CMAS: variants seen among roughly 807,000 people sequenced by gnomAD.
The protein encoded by CMAS is cytidine monophosphate N-acetylneuraminic acid synthetase, also known as N-acylneuraminate cytidylyltransferase.
A neutral mutation model predicts 53.4 loss-of-function variants in CMAS; 21 were observed. The observed-to-expected ratio is 0.39, with a 90% CI of 0.28 to 0.57. The LOEUF (loss-of-function observed/expected upper bound fraction) is 0.57. Among genes scored for constraint, CMAS ranks in the 20% least tolerant of loss-of-function variants. The probability of loss-of-function intolerance (pLI) is 0.56; values close to 1 mark genes in which losing one functional copy is unlikely to be tolerated. For missense variants in CMAS, 384 were observed against 534.9 expected (o/e 0.72, Z 2.78); for synonymous variants, 189 against 195.2 (o/e 0.97, Z 0.27).
At chr12:22,062,496 T>TAAAG (rs1467292564) in intron 7 of CMAS, 62 bp downstream of exon 7, 4 of 1,529,164 alleles carry the variant, frequency 2.6e-6, no homozygotes, top group African/African-American at 2.8e-5. Flanking sequence ...TACTTATTTT[T>TAAAG]AAAGAAATGA....
At position 22,046,336 on chromosome 12, in the gene CMAS, C is replaced by T. The variant is rs1162783745; in HGVS notation, c.33C>T (p.Ser11=). MDSVEKGAAT[S]VSNPRGRPSR... is the part of the protein sequence containing the mutation. The stretch of plus-strand genomic sequence containing the variant: ...CGGTGGAGAAGGGGGCCGCCACCTC[C>T]GTCTCCAACCCGCGGGGGCGACCGT... The change falls in exon 1 of 8, where the codon TCC becomes TCT. Residue 11 remains serine (S), a synonymous_variant. Coordinates refer to ENST00000229329, the MANE Select transcript of CMAS (RefSeq NM_018686.6). 4.7e-6 allele frequency: 7 copies of T among 1,502,922 alleles called. No homozygotes were observed. In the South Asian group the frequency reaches 7.7e-5, roughly 17 times the overall value. 93.1% of individuals were successfully genotyped at this position (1,502,922 alleles called of 1,614,324 possible). A position where few individuals can be genotyped will look rare whatever the true frequency, so the allele number is the denominator to read the frequency against.
At chr12:22,057,276 G>C (rs1023820234) in intron 3 of CMAS, among the ~76,000 whole-genome samples, 10 of 124,538 alleles carry the variant, frequency 8.0e-5, no homozygotes, top group African/African-American at 2.0e-4. Flanking sequence ...CACACACACA[G>C]ATTTGAGGAA....
intron 2 of CMAS, 76 bp downstream of exon 2, chr12:22,055,367 T>G: frequency 6.7e-7 from 1 of 1,483,806 alleles, no homozygotes; most frequent in Non-Finnish European, 9.1e-7. Context: ...AAGACTTGTT[T>G]TAACATTTGA....
intron 1 of CMAS, among the ~76,000 whole-genome samples, chr12:22,054,537 T>A (rs1950255922): frequency 6.6e-6 from 1 of 152,192 alleles, no homozygotes; most frequent in Non-Finnish European, 1.5e-5. Flanking sequence ...TTCATCTGAT[T>A]TTTTTTGAGC....
chr12:22,065,074 T>G (rs1158208488), intron 7 of CMAS, 47 bp from the exon 8 acceptor site: 1 of 1,492,298 alleles, frequency 6.7e-7, no homozygotes, highest in African/African-American at 1.4e-5. Flanking sequence ...AGCTAGAATA[T>G]TCTTTGTCTC....
Position 22,046,510 on chromosome 12 carries a change from C to T in CMAS, c.207C>T (p.Val69=). The T allele has an allele frequency of 6.2e-7, 1 of 1,605,194 alleles. No homozygotes were observed. The highest frequency in any genetic ancestry group is 1.7e-5 in the Admixed American group (1 of 59,002). ...PLKNIKHLAG[V]PLIGWVLRAA... ...AGAACATTAAGCACCTGGCGGGGGT[C>T]CCGCTCATTGGCTGGGTCCTGCGTG... Residue 69 remains valine (V), a synonymous_variant, in exon 1 of 8, where the codon GTC becomes GTT. Transcript: ENST00000229329.
intron 1 of CMAS, among the ~76,000 whole-genome samples, chr12:22,052,436 T>C (rs1037137558): frequency 1.3e-5 from 2 of 152,214 alleles, no homozygotes; most frequent in African/African-American, 2.4e-5. Flanking sequence ...TTTCTTGCTT[T>C]TTAAACATTA....
chr12:22,046,574 G>A lies in CMAS; in HGVS notation c.260+11G>A, dbSNP rs1029031229. 2 of 1,530,212 alleles carry A rather than the reference G, an allele frequency of 1.3e-6. No individual in the cohort carries two copies. The highest frequency in any genetic ancestry group is 2.8e-5 in the African/African-American group (2 of 70,588). The allele number at this position is 1,530,212 out of a possible 1,614,324, so 94.8% of individuals were successfully genotyped here. ...AGGGGCCTTCCAGAGGTGCGCATGT[G>A]CGAGAGTGGGCGGCGCGGCCTGGGC... On this transcript the variant is annotated intron_variant, in intron 1 of 7. Transcript: ENST00000229329.
chr12:22,051,806 A>T (rs1238239833), intron 1 of CMAS, among the ~76,000 whole-genome samples: 1 of 152,198 alleles, frequency 6.6e-6, no homozygotes, highest in African/African-American at 2.4e-5. Flanking sequence ...ATTGAGTGTG[A>T]GGATTAAATG....
At chr12:22,064,944 G>A (rs1240580333) in intron 7 of CMAS, among the ~76,000 whole-genome samples, 177 bp from the exon 8 acceptor site, 1 of 152,070 alleles carries the variant, frequency 6.6e-6, no homozygotes, top group Non-Finnish European at 1.5e-5. Flanking sequence ...GAAAACCCTG[G>A]ACCTCAATTA....
chr12:22,061,196 G>T, intron 5 of CMAS, 85 bp from the exon 6 acceptor site: 1 of 905,930 alleles, frequency 1.1e-6, no homozygotes, highest in South Asian at 1.4e-5. Flanking sequence ...AATGGAGGGT[G>T]ACATTTCATG....
At chr12:22,062,164 GA>G (rs1167572048) in intron 6 of CMAS, 116 bp from the exon 7 acceptor site, 4 of 855,486 alleles carry the variant, frequency 4.7e-6, no homozygotes, top group Non-Finnish European at 6.7e-6. Flanking sequence ...AAAGTCAAAA[GA>G]TGACTCGTTT....
In CMAS at chr12:22,060,333, T is replaced by TAAA. The variant is rs58755366; in HGVS notation, c.694-474_694-472dup. ...ATTTCTTTTGTGTGAGCTTTCTCCT[T>TAAA]AAAAAAAAAAAAAAAAAAAAAAAAA... is the stretch of plus-strand genomic sequence containing the variant. On this transcript the variant is annotated intron_variant, in intron 4 of 7. Coordinates refer to ENST00000229329, the MANE Select transcript of CMAS (RefSeq NM_018686.6). 9.6e-4 allele frequency among the ~76,000 whole-genome samples: 52 copies of TAAA among 54,138 alleles called. 2 individuals carry two copies. The highest frequency in any genetic ancestry group is 1.4e-3 in the Non-Finnish European group (41 of 28,758). The allele number at this position is 54,138 out of a possible 152,430, so 35.5% of individuals were successfully genotyped here. A position where few individuals can be genotyped will look rare whatever the true frequency, so the allele number is the denominator to read the frequency against.
chr12:22,046,248 TG>T lies in CMAS; in HGVS notation c.-54del, dbSNP rs1458538577. 1.5e-5 allele frequency: 20 copies of T among 1,377,060 alleles called. No individual in the cohort carries two copies. Among genetic ancestry groups the T allele is most frequent in the Non-Finnish European group, 1.7e-5 (18 of 1,061,614 alleles). 85.3% of individuals were successfully genotyped at this position (1,377,060 alleles called of 1,614,324 possible). A position where few individuals can be genotyped will look rare whatever the true frequency, so the allele number is the denominator to read the frequency against. On this transcript the variant is annotated 5_prime_UTR_variant, in exon 1 of 8. Transcript: ENST00000229329. Reference sequence around the variant, plus strand: ...GGGATCGGGCGGCGCCGAGCTGAGGTGGTGAGGGACTAGCTCCCGGATGTGG... The same window carrying T: ...GGGATCGGGCGGCGCCGAGCTGAGGTGTGAGGGACTAGCTCCCGGATGTGG...
Position 22,060,062 on chromosome 12 carries a change from C to T in CMAS, c.694-770C>T, listed in dbSNP as rs867856034. 2.5e-4 allele frequency among the ~76,000 whole-genome samples: 38 copies of T among 151,678 alleles called. 1 individual carries two copies. The highest frequency in any genetic ancestry group is 8.2e-4 in the African/African-American group (34 of 41,310). ...ACAACAGATGCTACAGTTATTTTTC[C>T]TCCCCTGTGTTGCCTGTTAGTTGCA... On this transcript the variant is annotated intron_variant, in intron 4 of 7. Coordinates refer to ENST00000229329, the MANE Select transcript of CMAS (RefSeq NM_018686.6).
At chr12:22,064,819 AACTT>A (rs1301494910) in intron 7 of CMAS, among the ~76,000 whole-genome samples, 2 of 152,200 alleles carry the variant, frequency 1.3e-5, no homozygotes, top group Admixed American at 6.5e-5. Context: ...AAATTTAAAT[AACTT>A]ACTTAGAATT....
intron 4 of CMAS, among the ~76,000 whole-genome samples, chr12:22,059,413 A>G (rs969876973): frequency 6.6e-6 from 1 of 152,130 alleles, no homozygotes; most frequent in Non-Finnish European, 1.5e-5. Context: ...CGAATGAATG[A>G]AGTGGACATT....
chr12:22,064,507 A>C (rs1242458740), intron 7 of CMAS, among the ~76,000 whole-genome samples: 2 of 152,144 alleles, frequency 1.3e-5, no homozygotes, highest in Non-Finnish European at 2.9e-5. Context: ...CTATAAAAGG[A>C]CAATTTTGAG....
Position 22,064,427 on chromosome 12 carries a change from A to AT in CMAS, c.1115-694_1115-693insT, listed in dbSNP as rs1193058131. Among the ~76,000 whole-genome samples, 56 of 152,248 alleles carry AT rather than the reference A, an allele frequency of 3.7e-4. 1 individual carries two copies. The highest frequency in any genetic ancestry group is 1.3e-3 in the African/African-American group (55 of 41,562). Reference sequence around the variant, plus strand: ...AACCATTACAGATTAAAAGAGATTTAAGAGATTATATATATATAAACAAAA... The same window carrying AT: ...AACCATTACAGATTAAAAGAGATTTATAGAGATTATATATATATAAACAAAA... On this transcript the variant is annotated intron_variant, in intron 7 of 7. Coordinates refer to ENST00000229329, the MANE Select transcript of CMAS (RefSeq NM_018686.6).
Sources: allele counts gnomAD v4.1 joint callset (sites outside exome capture counted in the v4.1 genomes callset), GRCh38; gene constraint gnomAD v4.1.1; transcripts MANE v1.5; gene names NCBI Gene and HGNC (gene_info 2026-07-23, HGNC 2026-07-21).